The following DECR1 variants were observed in gnomAD, a reference collection of about 807,000 sequenced individuals.
DECR1 encodes the protein 2,4-dienoyl-CoA reductase 1, also known as 2,4-dienoyl-CoA reductase [(3E)-enoyl-CoA-producing], mitochondrial.
Under a neutral mutation model 38.8 loss-of-function variants are expected in DECR1, and 44 were observed. That is an observed-to-expected ratio of 1.13 (90% CI 0.89 to 1.46). DECR1 has a LOEUF of 1.46. DECR1 is among the 40% of genes most tolerant of loss of function. The pLI, the probability that DECR1 is intolerant of heterozygous loss-of-function variation, is 0.00. For synonymous variants in DECR1, 148 were observed against 135.2 expected, an observed-to-expected ratio of 1.09 and a Z score of -0.66; for missense variants, 428 against 405.5, an observed-to-expected ratio of 1.06 and a Z score of -0.48.
rs563415922 is a variant in DECR1, at chr8:90,025,191, T to A, written c.565+4135T>A. Among the ~76,000 whole-genome samples, 20 of 152,228 alleles carry A rather than the reference T, an allele frequency of 1.3e-4. No homozygotes were observed. The East Asian group carries it at 2.9e-3, about 22-fold the overall frequency. On this transcript the variant is annotated intron_variant, in intron 5 of 9. Coordinates refer to ENST00000220764, the MANE Select transcript of DECR1 (RefSeq NM_001359.2). ...GCTTTGTTCTTTTGGCTTAGGATTG[T>A]CTTGGCAATGTGGGCTCTTTTTTGG...
chr8:90,051,118 A>G (rs1485039681), intron 8 of DECR1, among the ~76,000 whole-genome samples: 3 of 152,054 alleles, frequency 2.0e-5, no homozygotes, highest in Non-Finnish European at 4.4e-5. Flanking sequence ...GCACATGTAT[A>G]CATATGTAAC....
chr8:90,020,229 T>C (rs904826666), intron 4 of DECR1, among the ~76,000 whole-genome samples: 2 of 152,232 alleles, frequency 1.3e-5, no homozygotes, highest in Non-Finnish European at 2.9e-5. Context: ...GAATCTTTAC[T>C]GATGGTAAAT....
At chr8:90,026,089 GAT>G (rs1386332445) in intron 5 of DECR1, among the ~76,000 whole-genome samples, 5 of 152,180 alleles carry the variant, frequency 3.3e-5, no homozygotes, top group Non-Finnish European at 7.4e-5. Context: ...GATCATGGTG[GAT>G]AAGCTTTTTG....
chr8:90,006,332 T>G lies in DECR1; in HGVS notation c.69+4771T>G, dbSNP rs1812739845. ...TTTGGTATATATCAAAGCTGAGACCTGAAAGATGAGTAGGAGTTAGCCAAA... is the reference window on the plus strand; with the variant it reads ...TTTGGTATATATCAAAGCTGAGACCGGAAAGATGAGTAGGAGTTAGCCAAA... On this transcript the variant is annotated intron_variant, in intron 1 of 9. Transcript: ENST00000220764. The G allele has an allele frequency of 4.3e-6, 3 of 704,008 alleles. No individual in the cohort carries two copies. In the East Asian group the frequency reaches 8.0e-5, roughly 19 times the overall value. 43.6% of individuals were successfully genotyped at this position (704,008 alleles called of 1,614,324 possible).
chr8:90,026,120 T>G (rs1813329069), intron 5 of DECR1, among the ~76,000 whole-genome samples: 1 of 152,200 alleles, frequency 6.6e-6, no homozygotes, highest in Non-Finnish European at 1.5e-5. Context: ...CTGGATTTGG[T>G]TTGCCAGTAT....
chr8:90,005,913 A>C (rs765028719), intron 1 of DECR1: 31 of 395,866 alleles, frequency 7.8e-5, no homozygotes, highest in Non-Finnish European at 1.4e-4. Context: ...CAAGAGAGGA[A>C]GTGAGAGGGT....
At chr8:90,027,087 C>T (rs945206333) in intron 5 of DECR1, among the ~76,000 whole-genome samples, 2 of 152,128 alleles carry the variant, frequency 1.3e-5, no homozygotes, top group African/African-American at 4.8e-5. Flanking sequence ...GTCTGAGAGA[C>T]AGTTTGTTAT....
intron 6 of DECR1, among the ~76,000 whole-genome samples, chr8:90,041,914 C>A (rs914929336): frequency 2.0e-5 from 3 of 151,914 alleles, no homozygotes; most frequent in African/African-American, 7.3e-5. Flanking sequence ...TATATGAATT[C>A]TTTTAAGCTA....
At chr8:90,048,066 C>T (rs1265743003) in intron 8 of DECR1, among the ~76,000 whole-genome samples, 1 of 152,066 alleles carries the variant, frequency 6.6e-6, no homozygotes, top group Admixed American at 6.6e-5. Context: ...GCACTAAATG[C>T]CCACAAGAGA....
chr8:90,048,151 A>G (rs1813960611), intron 8 of DECR1, among the ~76,000 whole-genome samples: 1 of 152,232 alleles, frequency 6.6e-6, no homozygotes, highest in Non-Finnish European at 1.5e-5. Context: ...AAACACATTC[A>G]AAAGCTAGCA....
At chr8:90,045,811 C>A (rs547873584) in intron 8 of DECR1, among the ~76,000 whole-genome samples, 2 of 152,274 alleles carry the variant, frequency 1.3e-5, no homozygotes, top group African/African-American at 4.8e-5. Context: ...CCTCATACAG[C>A]CAGGTGCCCC....
intron 1 of DECR1, 33 bp downstream of exon 1, chr8:90,001,594 AG>A: frequency 6.3e-7 from 1 of 1,596,660 alleles, no homozygotes; most frequent in Non-Finnish European, 8.6e-7. Context: ...GAGCGAGGAC[AG>A]GGCGTCTCGA....
intron 5 of DECR1, 82 bp downstream of exon 5, chr8:90,021,138 T>C: frequency 9.0e-7 from 1 of 1,109,952 alleles, no homozygotes; most frequent in Non-Finnish European, 1.2e-6. Context: ...ACTTTAAAAG[T>C]CAATGAGACA....
intron 1 of DECR1, 99 bp downstream of exon 1, chr8:90,001,660 A>C: frequency 1.9e-6 from 2 of 1,065,348 alleles, no homozygotes; most frequent in South Asian, 1.4e-5. Context: ...AGGACAAGGC[A>C]TCCTGGGGCG....
intron 1 of DECR1, chr8:90,005,881 A>G: frequency 5.7e-6 from 2 of 347,836 alleles, no homozygotes; most frequent in Admixed American, 4.1e-5. Flanking sequence ...GATGGAAGTG[A>G]GGGGGTGTTG....
Position 90,018,757 on chromosome 8 carries a change from G to C in DECR1, c.273-152G>C, listed in dbSNP as rs545868900. On this transcript the variant is annotated intron_variant, in intron 2 of 9. Coordinates refer to ENST00000220764, the MANE Select transcript of DECR1 (RefSeq NM_001359.2). ...AAATATATAAAAATGATCTAAATTT[G>C]ACTTTTAGAAAAAATTCACATTGAT... is the stretch of plus-strand genomic sequence containing the variant. 9.5e-6 allele frequency: 6 copies of C among 634,542 alleles called. No individual in the cohort carries two copies. The East Asian group carries it at 1.7e-4, about 18-fold the overall frequency. 39.3% of individuals were successfully genotyped at this position (634,542 alleles called of 1,614,324 possible). A position where few individuals can be genotyped will look rare whatever the true frequency, so the allele number is the denominator to read the frequency against.
chr8:90,025,698 T>C (rs1813316784), intron 5 of DECR1, among the ~76,000 whole-genome samples: 1 of 152,190 alleles, frequency 6.6e-6, no homozygotes. Flanking sequence ...CTTTTCCTAA[T>C]TGAATATCCC....
chr8:90,022,185 G>A (rs571726619), intron 5 of DECR1, among the ~76,000 whole-genome samples: 1 of 152,198 alleles, frequency 6.6e-6, no homozygotes, highest in Admixed American at 6.5e-5. Flanking sequence ...TCCTTTGAGG[G>A]TTGAGGGGAG....
At chr8:90,042,101 G>T (rs899143717) in intron 6 of DECR1, among the ~76,000 whole-genome samples, 3 of 152,104 alleles carry the variant, frequency 2.0e-5, no homozygotes, top group Non-Finnish European at 4.4e-5. Flanking sequence ...AGGACATTAA[G>T]CAAGATTTTG....
Sources: allele counts gnomAD v4.1 joint callset (sites outside exome capture counted in the v4.1 genomes callset), GRCh38; gene constraint gnomAD v4.1.1; transcripts MANE v1.5; gene names NCBI Gene and HGNC (gene_info 2026-07-23, HGNC 2026-07-21).